CHRNB2: variants seen among roughly 807,000 people sequenced by gnomAD.
The protein encoded by CHRNB2 is neuronal acetylcholine receptor subunit beta-2.
CHRNB2 carries 33 observed loss-of-function variants against 42.7 expected under a neutral mutation model. That is an observed-to-expected ratio of 0.77 (90% CI 0.59 to 1.03). The LOEUF is 1.03. Among genes scored for constraint, CHRNB2 ranks in the 50% least tolerant of loss-of-function variants. The pLI is 0.00. For missense variants in CHRNB2, 603 were observed against 700.9 expected, an observed-to-expected ratio of 0.86 and a Z score of 1.58; for synonymous variants, 325 against 292.9, an observed-to-expected ratio of 1.11 and a Z score of -1.12.
Position 154,576,300 on chromosome 1 carries a change from A to AAG in CHRNB2, c.*371_*372dup, listed in dbSNP as rs1180636568. ...GTCTGCTGCCTCCAAGTCATGGGAG[A>AAG]AGAGGGGTATAGGACAAGGGGTGGA... is the stretch of plus-strand genomic sequence containing the variant. On this transcript the variant is annotated 3_prime_UTR_variant, in exon 6 of 6. Coordinates refer to ENST00000368476, the MANE Select transcript of CHRNB2 (RefSeq NM_000748.3). The AAG allele has an allele frequency of 2.7e-6, 1 of 373,868 alleles. No homozygotes were observed. The highest frequency in any genetic ancestry group is 6.6e-5 in the East Asian group (1 of 15,138). 23.2% of individuals were successfully genotyped at this position (373,868 alleles called of 1,614,324 possible). A position where few individuals can be genotyped will look rare whatever the true frequency, so the allele number is the denominator to read the frequency against.
intron 1 of CHRNB2, 35 bp downstream of exon 1, chr1:154,568,143 AC>A: frequency 6.4e-7 from 1 of 1,574,156 alleles, no homozygotes. Flanking sequence ...AGGTTCTCCT[AC>A]CCCAGCCAAC....
rs1309516656 is a variant in CHRNB2, at chr1:154,577,130, A to G, written c.*1198A>G. On this transcript the variant is annotated 3_prime_UTR_variant, in exon 6 of 6. Coordinates refer to ENST00000368476, the MANE Select transcript of CHRNB2 (RefSeq NM_000748.3). ...CCCAACCAAACCTGAGCAGCTTTGA[A>G]GCAGAACTTGGGAAGGACAGGGCTG... 1 of 152,290 alleles carries G rather than the reference A, an allele frequency of 6.6e-6. No homozygotes were observed. Among genetic ancestry groups the G allele is most frequent in the Non-Finnish European group, 1.5e-5 (1 of 68,098 alleles). 9.4% of individuals were successfully genotyped at this position (152,290 alleles called of 1,614,324 possible). A position where few individuals can be genotyped will look rare whatever the true frequency, so the allele number is the denominator to read the frequency against.
Position 154,575,816 on chromosome 1 carries a change from ATCTTTG to A in CHRNB2, c.1403_1408del (p.Phe468_Val469del). 1.2e-6 allele frequency: 2 copies of A among 1,613,838 alleles called. No homozygotes were observed. The highest frequency in any genetic ancestry group is 1.1e-5 in the South Asian group (1 of 91,070). On this transcript the variant is annotated inframe_deletion, in exon 6 of 6. Coordinates refer to ENST00000368476, the MANE Select transcript of CHRNB2 (RefSeq NM_000748.3). The stretch of plus-strand genomic sequence containing the variant: ...GGTGATCGACCGCCTCTTCCTCTGG[ATCTTTG>A]TCTTTGTCTGTGTCTTTGGCACCAT...
intron 3 of CHRNB2, 84 bp from the exon 4 acceptor site, chr1:154,570,174 T>A: frequency 1.1e-6 from 1 of 911,868 alleles, no homozygotes; most frequent in South Asian, 1.4e-5. Context: ...CCTCAAGCCA[T>A]ATGGGCCCCC....
rs111829145 is a variant in CHRNB2, at chr1:154,572,764, C to T, written c.1338+603C>T. Among the ~76,000 whole-genome samples the T allele has an allele frequency of 8.3e-3, 1,267 of 152,186 alleles. 13 individuals carry two copies. Among genetic ancestry groups the T allele is most frequent in the Non-Finnish European group, 0.015 (999 of 67,998 alleles). ...TCTTCTGAGTCCCAGGGGATGGCCT[C>T]CTGAAATATTTATGGAGATGGGGGT... On this transcript the variant is annotated intron_variant, in intron 5 of 5. Transcript: ENST00000368476.
At position 154,569,583 on chromosome 1, in the gene CHRNB2, G is replaced by A; in HGVS notation, c.186G>A (p.Val62=). ...GSELVTVQLM[V]SLAQLISVHE... ...AGCTGGTGACAGTACAGCTTATGGT[G>A]TCACTGGCCCAGCTCATCAGTGTGG... Residue 62 remains valine, a synonymous_variant, in exon 2 of 6, where the codon GTG becomes GTA. Transcript: ENST00000368476. 6.2e-7 allele frequency: 1 copy of A among 1,614,114 alleles called. No homozygotes were observed.
Position 154,575,745 on chromosome 1 carries a change from C to T in CHRNB2, c.1339-17C>T. On this transcript the variant is annotated splice_polypyrimidine_tract_variant and intron_variant, in intron 5 of 5. Transcript: ENST00000368476. ...CTGCATCATGTGACCTGGGCCTCCT[C>T]CGTCTCCTCCATCCAGGTGAGTGAG... is the stretch of plus-strand genomic sequence containing the variant. 6.2e-7 allele frequency: 1 copy of T among 1,614,062 alleles called. No homozygotes were observed. The highest frequency in any genetic ancestry group is 2.2e-5 in the East Asian group (1 of 44,882).
chr1:154,568,187 T>A, intron 1 of CHRNB2, 79 bp downstream of exon 1: 1 of 1,483,936 alleles, frequency 6.7e-7, no homozygotes. Flanking sequence ...GACTCACCCC[T>A]GCTAGGCCGG....
chr1:154,568,253 A>C (rs143047789), intron 1 of CHRNB2, 145 bp downstream of exon 1: 1,047 of 1,000,100 alleles, frequency 1.0e-3, no homozygotes, highest in Non-Finnish European at 1.4e-3. Flanking sequence ...GTTAGGGGAG[A>C]GCCCCCCGGG....
chr1:154,569,642 T>A (rs899422952), intron 2 of CHRNB2, 35 bp downstream of exon 2: 4 of 1,613,958 alleles, frequency 2.5e-6, no homozygotes, highest in Non-Finnish European at 3.4e-6. Context: ...GCCCAGCTAC[T>A]GAAATCAGCC....
At chr1:154,569,866 C>T in intron 3 of CHRNB2, 30 bp downstream of exon 3, 1 of 1,613,286 alleles carries the variant, frequency 6.2e-7, no homozygotes. Flanking sequence ...TCCACCCACA[C>T]CCCTGGCCTT....
In CHRNB2 at chr1:154,571,932, G is replaced by C. The variant is rs200483865; in HGVS notation, c.1109G>C (p.Arg370Pro). The C allele has an allele frequency of 6.4e-7, 1 of 1,555,422 alleles. No individual in the cohort carries two copies. Among genetic ancestry groups the C allele is most frequent in the Non-Finnish European group, 8.7e-7 (1 of 1,155,452 alleles). ...CGCCTGCGGCGACGCCAGCGTGAGC[G>C]CGAGGGCGCTGGAGCCCTCTTCTTC... ...RLRLRRRQRE[R>P]EGAGALFFRE... Residue 370 changes from arginine (R) to proline (P), a missense_variant, in exon 5 of 6, where the codon CGC (arginine) becomes CCC (proline). This residue lies in a region of CHRNB2 where 270 missense variants were observed against 248.3 expected (regional missense o/e 1.09). Coordinates refer to ENST00000368476, the MANE Select transcript of CHRNB2 (RefSeq NM_000748.3). This position sits in a 1 kb window ranked among gnomAD's most constrained non-coding sequence, Gnocchi z 6.8.
At position 154,575,950 on chromosome 1, in the gene CHRNB2, A is replaced by G. The variant is rs199567352; in HGVS notation, c.*18A>G. 9.9e-6 allele frequency: 16 copies of G among 1,613,706 alleles called. No individual in the cohort carries two copies. The East Asian group carries it at 3.6e-4, about 36-fold the overall frequency. On this transcript the variant is annotated 3_prime_UTR_variant, in exon 6 of 6. Coordinates refer to ENST00000368476, the MANE Select transcript of CHRNB2 (RefSeq NM_000748.3). ...CCAAGTGAGGCCCTTCCTCATCTCC[A>G]TGCTCTTTCACCCTGCCACCCTCTG...
Position 154,571,052 on chromosome 1 carries a change from G to T in CHRNB2, c.366-137G>T. 6.5e-7 allele frequency: 1 copy of T among 1,541,526 alleles called. No individual in the cohort carries two copies. On this transcript the variant is annotated intron_variant, in intron 4 of 5. Transcript: ENST00000368476. The surrounding 1 kb of genome is among the most constrained non-coding windows in gnomAD (Gnocchi z 6.8). ...CTCAATTCCACCTCTCTATACTCCT[G>T]GATGGTTACTCTCAGATCTGGGTGT...
rs1696334534 is a variant in CHRNB2, at chr1:154,578,913, C to G, written c.*2981C>G. 1 of 152,266 alleles carries G rather than the reference C, an allele frequency of 6.6e-6. No individual in the cohort carries two copies. Among genetic ancestry groups the G allele is most frequent in the Non-Finnish European group, 1.5e-5 (1 of 68,052 alleles). 9.4% of individuals were successfully genotyped at this position (152,266 alleles called of 1,614,324 possible). ...AAGTGAGGAAACAGGTTGAGACTAT[C>G]TCCATCAGAGATGGCAAGGCCACAG... On this transcript the variant is annotated 3_prime_UTR_variant, in exon 6 of 6. Coordinates refer to ENST00000368476, the MANE Select transcript of CHRNB2 (RefSeq NM_000748.3).
chr1:154,574,192 AT>A (rs1288599054), intron 5 of CHRNB2, among the ~76,000 whole-genome samples: 1 of 152,234 alleles, frequency 6.6e-6, no homozygotes, highest in East Asian at 1.9e-4. Context: ...TTGAGAGTAA[AT>A]TGTAGACACT....
Position 154,571,777 on chromosome 1 carries a change from G to A in CHRNB2, c.954G>A (p.Val318=). ...VTFSIVTSVC[V]LNVHHRSPTT... ...TCTCCATCGTCACCAGCGTGTGCGT[G>A]CTCAACGTGCACCACCGCTCGCCCA... Residue 318 remains valine (V), a synonymous_variant, in exon 5 of 6, where the codon GTG becomes GTA. Transcript: ENST00000368476. The surrounding 1 kb of genome is among the most constrained non-coding windows in gnomAD (Gnocchi z 6.8). The A allele has an allele frequency of 6.2e-7, 1 of 1,614,116 alleles. No homozygotes were observed. Among genetic ancestry groups the A allele is most frequent in the African/African-American group, 1.3e-5 (1 of 75,068 alleles).
In CHRNB2 at chr1:154,568,101, G is replaced by T; in HGVS notation, c.57G>T (p.Leu19=). 1 of 1,602,972 alleles carries T rather than the reference G, an allele frequency of 6.2e-7. No individual in the cohort carries two copies. Among genetic ancestry groups the T allele is most frequent in the Non-Finnish European group, 8.5e-7 (1 of 1,175,512 alleles). Residue 19 remains leucine, a synonymous_variant, in exon 1 of 6, where the codon CTG becomes CTT. Coordinates refer to ENST00000368476, the MANE Select transcript of CHRNB2 (RefSeq NM_000748.3). ...TCCTTGGCTTCGGCCTCCTCCGGCT[G>T]TGCTCAGGTAAGGGAAAGACGGGCA... ...ALLLGFGLLR[L]CSGVWGTDTE...
At position 154,579,426 on chromosome 1, in the gene CHRNB2, T is replaced by C. The variant is rs1319409046; in HGVS notation, c.*3494T>C. On this transcript the variant is annotated 3_prime_UTR_variant, in exon 6 of 6. Transcript: ENST00000368476. ...AACCCCAAAGTCCACACTCTTGCTA[T>C]AGCCGCTGAGGCAGGCAGAAGAGCT... is the stretch of plus-strand genomic sequence containing the variant. The C allele has an allele frequency of 6.6e-6, 1 of 152,272 alleles. No homozygotes were observed. Among genetic ancestry groups the C allele is most frequent in the Non-Finnish European group, 1.5e-5 (1 of 68,078 alleles). The allele number at this position is 152,272 out of a possible 1,614,324, so 9.4% of individuals were successfully genotyped here.
Sources: allele counts gnomAD v4.1 joint callset (sites outside exome capture counted in the v4.1 genomes callset), GRCh38; gene constraint gnomAD v4.1.1; regional missense constraint gnomAD v4.1.1; non-coding constraint Gnocchi (gnomAD v3.1); transcripts MANE v1.5; gene names NCBI Gene and HGNC (gene_info 2026-07-23, HGNC 2026-07-21).